CYP24A1: variants seen among roughly 807,000 people sequenced by gnomAD.
CYP24A1 encodes 1,25-dihydroxyvitamin D(3) 24-hydroxylase, mitochondrial.
A neutral mutation model predicts 62.4 loss-of-function variants in CYP24A1; 68 were observed. That is an observed-to-expected ratio of 1.09 (90% CI 0.90 to 1.33). CYP24A1 has a LOEUF of 1.33. CYP24A1 is among the 40% of genes most tolerant of loss of function. The pLI is 0.00. For synonymous variants in CYP24A1, 267 were observed against 253.0 expected (o/e 1.06, Z -0.52); for missense variants, 787 against 653.0 (o/e 1.21, Z -2.24).
chr20:54,171,482 C>T, intron 3 of CYP24A1, 95 bp downstream of exon 3: 10 of 1,609,386 alleles, frequency 6.2e-6, no homozygotes, highest in Non-Finnish European at 8.5e-6. Context: ...GAATTGCATT[C>T]TTTTTTCCTT....
At chr20:54,148,275 C>T in the CYP24A1 span, among the ~76,000 whole-genome samples, 1 of 151,494 alleles carries the variant, frequency 6.6e-6, no homozygotes, top group Admixed American at 6.6e-5. Context: ...CAAAGAATTC[C>T]CATATACCAT....
In CYP24A1 at chr20:54,173,586, G is replaced by A. The variant is rs749446753; in HGVS notation, c.-7C>T. ...TGCTGATGGGGGAGCTCATGGCAGCGGGGGACACCGGAGCGCGGGAAGGCA... is the reference window on the plus strand; with the variant it reads ...TGCTGATGGGGGAGCTCATGGCAGCAGGGGACACCGGAGCGCGGGAAGGCA... On this transcript the variant is annotated 5_prime_UTR_variant, in exon 1 of 12. Coordinates refer to ENST00000216862, the MANE Select transcript of CYP24A1 (RefSeq NM_000782.5). This position sits in a 1 kb window ranked among gnomAD's most constrained non-coding sequence, Gnocchi z 7.2. 13 of 1,568,164 alleles carry A rather than the reference G, an allele frequency of 8.3e-6. No individual in the cohort carries two copies. The Admixed American group carries it at 2.3e-4, about 28-fold the overall frequency.
the CYP24A1 span, among the ~76,000 whole-genome samples, chr20:54,146,185 G>A: frequency 1.3e-5 from 2 of 152,104 alleles, no homozygotes; most frequent in Non-Finnish European, 2.9e-5. Flanking sequence ...GATCTATTAG[G>A]TTGGTGCAAA....
At chr20:54,143,850 A>G in the CYP24A1 span, among the ~76,000 whole-genome samples, 1 of 152,220 alleles carries the variant, frequency 6.6e-6, no homozygotes, top group Non-Finnish European at 1.5e-5. Flanking sequence ...AATCCTAAGA[A>G]TAAAGCAAAA....
chr20:54,162,534 G>A (rs896235994), intron 7 of CYP24A1, 183 bp downstream of exon 7: 7 of 616,142 alleles, frequency 1.1e-5, no homozygotes, highest in African/African-American at 1.1e-4. Flanking sequence ...GTGCGCTGAG[G>A]CACCGTGGCA....
rs1208124845 is a variant in CYP24A1 at position 54,160,898 on chromosome 20, G to A, written c.991-1775C>T. The stretch of plus-strand genomic sequence containing the variant: ...GGGGAAGTGGCCTGGAAAACCTCAG[G>A]GGCACAAACTATCCTTGATTGACCT... On this transcript the variant is annotated intron_variant, in intron 7 of 11. Transcript: ENST00000216862. 2.0e-5 allele frequency among the ~76,000 whole-genome samples: 3 copies of A among 152,148 alleles called. No homozygotes were observed. In the East Asian group the frequency reaches 5.8e-4, roughly 29 times the overall value.
chr20:54,173,133 C>A lies in CYP24A1; in HGVS notation c.259-34G>T, dbSNP rs1443044568. ...GGCCGGGCACAGCGCGGTGTCAGCGCGCATCCTCCGCCGTGCCCGAAGCGC... is the reference window on the plus strand; with the variant it reads ...GGCCGGGCACAGCGCGGTGTCAGCGAGCATCCTCCGCCGTGCCCGAAGCGC... On this transcript the variant is annotated intron_variant, in intron 1 of 11. Coordinates refer to ENST00000216862, the MANE Select transcript of CYP24A1 (RefSeq NM_000782.5). This position sits in a 1 kb window ranked among gnomAD's most constrained non-coding sequence, Gnocchi z 7.2. The A allele has an allele frequency of 1.3e-6, 2 of 1,597,284 alleles. No homozygotes were observed. The highest frequency in any genetic ancestry group is 4.5e-5 in the East Asian group (2 of 44,874).
At position 54,157,562 on chromosome 20, in the gene CYP24A1, C is replaced by T. The variant is rs1205434715; in HGVS notation, c.1260G>A (p.Gln420=). The change falls in exon 10 of 12, where the codon CAG becomes CAA. Residue 420 remains glutamine, a synonymous_variant. Coordinates refer to ENST00000216862, the MANE Select transcript of CYP24A1 (RefSeq NM_000782.5). ...AATTGTCTTCACTGGATCCCAACACCTGGGTATTTAGCATGAGCACTGTCT... is the reference window on the plus strand; with the variant it reads ...AATTGTCTTCACTGGATCCCAACACTTGGGTATTTAGCATGAGCACTGTCT... ...PKGTVLMLNT[Q]VLGSSEDNFE... 1 of 1,594,700 alleles carries T rather than the reference C, an allele frequency of 6.3e-7. No homozygotes were observed. The highest frequency in any genetic ancestry group is 1.1e-5 in the South Asian group (1 of 90,670).
downstream of CYP24A1, among the ~76,000 whole-genome samples, chr20:54,151,534 T>C (rs74479353): frequency 0.044 from 6,668 of 151,754 alleles, 175 homozygotes; most frequent in South Asian, 0.12. Context: ...CCCATCAATT[T>C]TGTATACTTT....
chr20:54,152,519 A>G (rs750850483), downstream of CYP24A1, among the ~76,000 whole-genome samples: 1 of 152,214 alleles, frequency 6.6e-6, no homozygotes, highest in Admixed American at 6.5e-5. Flanking sequence ...ATCAAGGAAG[A>G]TTTCCTTCAG....
In CYP24A1 at chr20:54,157,433, A is replaced by G. The variant is rs1418277392; in HGVS notation, c.1389T>C (p.Ile463=). The G allele has an allele frequency of 1.2e-6, 2 of 1,607,392 alleles. No individual in the cohort carries two copies. The highest frequency in any genetic ancestry group is 4.5e-5 in the East Asian group (2 of 44,876). ...GTTGAAGCTCTGCTAATCGGCGACC[A>G]ATGCACATTCTTTTTCCAACGCCAA... is the stretch of plus-strand genomic sequence containing the variant. The part of the protein sequence containing the change: ...LPFGVGKRMC[I]GRRLAELQLH... The change falls in exon 10 of 12, where the codon ATT becomes ATC. Residue 463 remains isoleucine, a synonymous_variant. Coordinates refer to ENST00000216862, the MANE Select transcript of CYP24A1 (RefSeq NM_000782.5).
At chr20:54,171,439 AG>A in intron 3 of CYP24A1, 137 bp downstream of exon 3, 1 of 1,540,360 alleles carries the variant, frequency 6.5e-7, no homozygotes, top group South Asian at 1.1e-5. Flanking sequence ...GAAGGAATGG[AG>A]AGAAAGAGAA....
the CYP24A1 span, among the ~76,000 whole-genome samples, chr20:54,147,129 C>T: frequency 1.3e-5 from 2 of 152,206 alleles, no homozygotes; most frequent in Middle Eastern, 3.4e-3. Context: ...GGTTTCAGTC[C>T]GAGCCTGCTT....
Position 54,158,474 on chromosome 20 carries a change from G to C in CYP24A1, c.1158-310C>G, listed in dbSNP as rs144814620. Among the ~76,000 whole-genome samples the C allele has an allele frequency of 3.2e-3, 492 of 152,258 alleles. 4 individuals carry two copies. Among genetic ancestry groups the C allele is most frequent in the African/African-American group, 0.012 (480 of 41,548 alleles). On this transcript the variant is annotated intron_variant, in intron 8 of 11. Transcript: ENST00000216862. ...TGCTAGCCCTTGAAGCGTGATGTTT[G>C]TTCTATGTTTCTCCAATCTACTCTT...
chr20:54,173,431 C>T lies in CYP24A1; in HGVS notation c.149G>A (p.Gly50Asp), dbSNP rs564693272. 11 of 1,571,134 alleles carry T rather than the reference C, an allele frequency of 7.0e-6. No homozygotes were observed. The African/African-American group carries it at 1.1e-4, about 15-fold the overall frequency. Reference sequence around the variant, plus strand: ...CAGGGCGGCCGCGTTCTGAGTCTCGCCACCAGCTGTCAGCGGGCAGACTGG... The same window carrying T: ...CAGGGCGGCCGCGTTCTGAGTCTCGTCACCAGCTGTCAGCGGGCAGACTGG... The part of the protein sequence containing the change: ...EVPVCPLTAG[G>D]ETQNAAALPG... The change falls in exon 1 of 12, where the codon GGC becomes GAC. Residue 50 changes from glycine (G) to aspartate (D), a missense_variant. Gly to Asp is a moderately conservative substitution (Grantham distance 94). Transcript: ENST00000216862. This position sits in a 1 kb window ranked among gnomAD's most constrained non-coding sequence, Gnocchi z 7.2.
intron 4 of CYP24A1, among the ~76,000 whole-genome samples, chr20:54,168,689 C>CTTCT (rs1354637617): frequency 6.6e-6 from 1 of 151,834 alleles, no homozygotes; most frequent in Non-Finnish European, 1.5e-5. Context: ...TCTCTCTTTT[C>CTTCT]TTCTTTATTT....
rs374094543 is a variant in CYP24A1 at position 54,172,930 on chromosome 20, T to C, written c.428A>G (p.Glu143Gly). 7.1e-5 allele frequency: 114 copies of C among 1,612,052 alleles called. No individual in the cohort carries two copies. The highest frequency in any genetic ancestry group is 9.4e-5 in the Non-Finnish European group (111 of 1,178,540). ...PWKAYRDYRK[E>G]GYGLLILEGE... The stretch of plus-strand genomic sequence containing the variant: ...TCACAGGATCAGCAGCCCGTAGCCT[T>C]CTTTGCGGTAGTCGCGATAGGCCTT... The change falls in exon 2 of 12, where the codon GAA (glutamate) becomes GGA (glycine). Residue 143 changes from glutamate (E) to glycine (G), a missense_variant. By Grantham distance (98) the Glu-to-Gly change is moderately conservative (BLOSUM62 -2). Coordinates refer to ENST00000216862, the MANE Select transcript of CYP24A1 (RefSeq NM_000782.5).
intron 4 of CYP24A1, among the ~76,000 whole-genome samples, chr20:54,167,849 T>G (rs1006032157): frequency 6.6e-6 from 1 of 152,220 alleles, no homozygotes; most frequent in African/African-American, 2.4e-5. Context: ...GGAAGTGTTA[T>G]AGGTTTTCCT....
At chr20:54,144,689 A>G in the CYP24A1 span, among the ~76,000 whole-genome samples, 7 of 149,388 alleles carry the variant, frequency 4.7e-5, no homozygotes, top group South Asian at 1.5e-3. Context: ...AATTAATTAT[A>G]GTATATATTA....
Sources: gnomAD v4.1 joint callset for allele counts (sites outside exome capture counted in the v4.1 genomes callset) on GRCh38, gnomAD v4.1.1 for gene constraint, Gnocchi (gnomAD v3.1) non-coding constraint, MANE v1.5 for transcripts, NCBI Gene and HGNC (gene_info 2026-07-23, HGNC 2026-07-21) for gene names.